Variants in PCDH9 observed in about 807,000 individuals in gnomAD.
PCDH9 encodes protocadherin-9.
PCDH9 carries 24 observed loss-of-function variants against 70.6 expected under a neutral mutation model. The observed-to-expected ratio is 0.34, with a 90% confidence interval of 0.25 to 0.48. The LOEUF is 0.48. Ranked by LOEUF, PCDH9 falls within the 20% of genes least tolerant of loss-of-function variation. The probability of loss-of-function intolerance (pLI) is 0.99; values close to 1 mark genes in which losing one functional copy is unlikely to be tolerated. For synonymous variants in PCDH9, 562 were observed against 558.5 expected, an observed-to-expected ratio of 1.01 and a Z score of -0.09; for missense variants, 1,281 against 1,503.6, an observed-to-expected ratio of 0.85 and a Z score of 2.45.
intron 2 of PCDH9, among the ~76,000 whole-genome samples, chr13:66,990,126 C>T (rs2083972182): frequency 6.6e-6 from 1 of 151,776 alleles, no homozygotes; most frequent in African/African-American, 2.4e-5. Context: ...AAAGCCTTAG[C>T]AAATTTTAAT....
intron 4 of PCDH9, among the ~76,000 whole-genome samples, chr13:66,344,096 T>C (rs1010675681): frequency 2.6e-5 from 4 of 152,192 alleles, no homozygotes; most frequent in African/African-American, 9.6e-5. Flanking sequence ...ATTAATATTG[T>C]CCAAAATATT....
intron 2 of PCDH9, among the ~76,000 whole-genome samples, chr13:67,016,058 T>G (rs2084554244): frequency 1.3e-5 from 2 of 152,132 alleles, no homozygotes; most frequent in Non-Finnish European, 2.9e-5. Context: ...ACCTGATTTT[T>G]GATGAGGTTA....
intron 2 of PCDH9, among the ~76,000 whole-genome samples, chr13:67,070,996 T>C (rs2085750576): frequency 6.6e-6 from 1 of 152,082 alleles, no homozygotes; most frequent in Non-Finnish European, 1.5e-5. Context: ...TTCTAGCAAA[T>C]TGAGGCAATA....
intron 2 of PCDH9, among the ~76,000 whole-genome samples, chr13:66,909,787 C>T (rs1182061576): frequency 6.6e-6 from 1 of 152,122 alleles, no homozygotes; most frequent in Admixed American, 6.5e-5. Context: ...CAAGGAGTAA[C>T]TTTGTCACAG....
chr13:66,515,727 T>C (rs1959700313), intron 4 of PCDH9, among the ~76,000 whole-genome samples: 1 of 152,010 alleles, frequency 6.6e-6, no homozygotes, highest in African/African-American at 2.4e-5. Context: ...AGAATGTAAA[T>C]AGTAAAATTT....
At chr13:66,932,717 ATATG>A (rs1282511736) in intron 2 of PCDH9, among the ~76,000 whole-genome samples, 2 of 144,446 alleles carry the variant, frequency 1.4e-5, no homozygotes, top group Non-Finnish European at 3.0e-5. Context: ...TCATACATAC[ATATG>A]TATTTATATG....
intron 3 of PCDH9, among the ~76,000 whole-genome samples, chr13:66,797,256 C>T (rs1391721512): frequency 6.6e-6 from 1 of 152,028 alleles, no homozygotes; most frequent in Non-Finnish European, 1.5e-5. Context: ...TCAACCTACC[C>T]ATATATAAAT....
chr13:66,767,622 G>T lies in PCDH9; in HGVS notation c.3138+135882C>A, dbSNP rs2079739036. Among the ~76,000 whole-genome samples, 3 of 151,958 alleles carry T rather than the reference G, an allele frequency of 2.0e-5. No homozygotes were observed. In the South Asian group the frequency reaches 6.2e-4, roughly 31 times the overall value. The stretch of plus-strand genomic sequence containing the variant: ...TTTCAGGAAAGAGTTATGTTGAACA[G>T]CTTGACAGTAAAAAGGTTCCTGTAA... On this transcript the variant is annotated intron_variant, in intron 3 of 4. Coordinates refer to ENST00000377865, the MANE Select transcript of PCDH9 (RefSeq NM_203487.3).
At chr13:66,916,055 T>C (rs925343922) in intron 2 of PCDH9, among the ~76,000 whole-genome samples, 2 of 151,530 alleles carry the variant, frequency 1.3e-5, no homozygotes, top group African/African-American at 4.8e-5. Context: ...GATGAGGAAA[T>C]GAAAGCATAG....
chr13:66,682,516 C>T (rs896125185), intron 3 of PCDH9, among the ~76,000 whole-genome samples: 6 of 151,806 alleles, frequency 4.0e-5, no homozygotes, highest in Non-Finnish European at 7.4e-5. Context: ...GTCCTGTTTC[C>T]AGCTCAGTTT....
chr13:66,630,775 T>G (rs1192045137), intron 4 of PCDH9: 2 of 152,600 alleles, frequency 1.3e-5, no homozygotes, highest in Non-Finnish European at 2.9e-5. Flanking sequence ...CCTTTAACTC[T>G]AATATTCTTT....
intron 3 of PCDH9, among the ~76,000 whole-genome samples, chr13:66,667,684 T>C (rs17496955): frequency 0.38 from 57,399 of 151,958 alleles, 10,940 homozygotes; most frequent in South Asian, 0.42. Context: ...CTTTTTGCCA[T>C]AGAGGACTGC....
chr13:66,440,541 A>G (rs1957953587), intron 4 of PCDH9, among the ~76,000 whole-genome samples: 1 of 152,082 alleles, frequency 6.6e-6, no homozygotes, highest in Admixed American at 6.6e-5. Flanking sequence ...TAATTTTTAT[A>G]GTCTGCAATA....
At chr13:66,851,952 T>C (rs1218045904) in intron 3 of PCDH9, among the ~76,000 whole-genome samples, 1 of 152,072 alleles carries the variant, frequency 6.6e-6, no homozygotes, top group Non-Finnish European at 1.5e-5. Context: ...AGCTGTCTTT[T>C]CCCTATGTCT....
chr13:66,891,625 T>C lies in PCDH9; in HGVS notation c.3138+11879A>G, dbSNP rs180943790. 2.4e-4 allele frequency among the ~76,000 whole-genome samples: 36 copies of C among 152,118 alleles called. No individual in the cohort carries two copies. The East Asian group carries it at 6.0e-3, about 25-fold the overall frequency. ...GTAGCTTGGCTTCCAGGGATAAATA[T>C]GGAAATAATTATACAGCAATAGAAT... On this transcript the variant is annotated intron_variant, in intron 3 of 4. Transcript: ENST00000377865.
intron 4 of PCDH9, among the ~76,000 whole-genome samples, chr13:66,394,637 A>C (rs546035232): frequency 5.3e-5 from 8 of 152,174 alleles, no homozygotes; most frequent in African/African-American, 1.4e-4. Context: ...ATTTAAATAT[A>C]TATTAAGTGG....
intron 4 of PCDH9, among the ~76,000 whole-genome samples, chr13:66,435,476 C>A (rs1255105132): frequency 6.6e-6 from 1 of 152,058 alleles, no homozygotes; most frequent in Non-Finnish European, 1.5e-5. Context: ...TAATTGCTTT[C>A]TTATCACATG....
At chr13:67,138,599 A>T (rs377245211) in intron 2 of PCDH9, among the ~76,000 whole-genome samples, 17 of 152,314 alleles carry the variant, frequency 1.1e-4, no homozygotes, top group African/African-American at 3.8e-4. Context: ...CGAGTCACCA[A>T]TGGAATCCTC....
intron 3 of PCDH9, among the ~76,000 whole-genome samples, chr13:66,874,285 T>C (rs1400026939): frequency 6.6e-6 from 1 of 152,194 alleles, no homozygotes; most frequent in African/African-American, 2.4e-5. Context: ...TTTTTCAGCT[T>C]TACTGAAAAG....
Sources: gnomAD v4.1 joint callset for allele counts (sites outside exome capture counted in the v4.1 genomes callset) on GRCh38, gnomAD v4.1.1 for gene constraint, MANE v1.5 for transcripts, NCBI Gene and HGNC (gene_info 2026-07-23, HGNC 2026-07-21) for gene names.